KCNK9: variants seen among roughly 807,000 people sequenced by gnomAD.
KCNK9 encodes potassium two pore domain channel subfamily K member 9.
KCNK9 carries 1 observed loss-of-function variant against 10.8 expected under a neutral mutation model. The observed-to-expected ratio is 0.09, with a 90% confidence interval of 0.03 to 0.44. The LOEUF (loss-of-function observed/expected upper bound fraction) is 0.44, where lower values mean the gene tolerates loss of function less well. KCNK9 is among the 20% of genes least tolerant of loss of function. The pLI is 0.97. For missense variants in KCNK9, 303 were observed against 515.0 expected (o/e 0.59, Z 3.98); for synonymous variants, 231 against 222.7 (o/e 1.04, Z -0.33).
chr8:139,701,513 A>C (rs1179139364), intron 1 of KCNK9, among the ~76,000 whole-genome samples: 3 of 152,124 alleles, frequency 2.0e-5, no homozygotes, highest in Non-Finnish European at 4.4e-5. Flanking sequence ...GGTCCAGAGA[A>C]GCGAGACAGG....
chr8:139,646,947 T>G (rs904782417), intron 1 of KCNK9, among the ~76,000 whole-genome samples: 1 of 152,222 alleles, frequency 6.6e-6, no homozygotes, highest in African/African-American at 2.4e-5. Flanking sequence ...CTCCCTGTCC[T>G]AACACTGGCC....
chr8:139,661,676 C>A (rs908059192), intron 1 of KCNK9, among the ~76,000 whole-genome samples: 1 of 152,204 alleles, frequency 6.6e-6, no homozygotes, highest in Admixed American at 6.5e-5. Context: ...AAAGGAGGTC[C>A]CAGGAGAGGC....
At chr8:139,630,417 G>A (rs1052010698) in intron 1 of KCNK9, among the ~76,000 whole-genome samples, 4 of 152,006 alleles carry the variant, frequency 2.6e-5, no homozygotes, top group African/African-American at 9.7e-5. Context: ...CCACCTCCCC[G>A]GGGCCTCTCT....
rs560225440 is a variant in KCNK9 at position 139,694,842 on chromosome 8, C to T, written c.283+7868G>A. On this transcript the variant is annotated intron_variant, in intron 1 of 1. Coordinates refer to ENST00000520439, the MANE Select transcript of KCNK9 (RefSeq NM_001282534.2). ...CACCCCACTCACCTAGCACCACCTTCGAGCAGCCACTCCCTGGCCAGGCTC... is the reference window on the plus strand; with the variant it reads ...CACCCCACTCACCTAGCACCACCTTTGAGCAGCCACTCCCTGGCCAGGCTC... 3.3e-5 allele frequency among the ~76,000 whole-genome samples: 5 copies of T among 152,258 alleles called. No individual in the cohort carries two copies. The South Asian group carries it at 6.2e-4, about 19-fold the overall frequency.
chr8:139,700,259 G>C (rs111406465), intron 1 of KCNK9, among the ~76,000 whole-genome samples: 190 of 152,240 alleles, frequency 1.2e-3, no homozygotes, highest in Non-Finnish European at 1.0e-3. Flanking sequence ...TGCAGCCCGC[G>C]GGATCTCAGC....
chr8:139,676,980 C>A (rs759428465), intron 1 of KCNK9, among the ~76,000 whole-genome samples: 3 of 151,964 alleles, frequency 2.0e-5, no homozygotes, highest in Non-Finnish European at 4.4e-5. Flanking sequence ...AACAGACAGA[C>A]AAAACAAAAC....
chr8:139,622,428 G>C (rs1814818922), intron 1 of KCNK9, among the ~76,000 whole-genome samples: 1 of 152,172 alleles, frequency 6.6e-6, no homozygotes, highest in African/African-American at 2.4e-5. Context: ...TTGCCCTCTG[G>C]TTTCCAGTTG....
At chr8:139,699,670 T>C (rs1436068199) in intron 1 of KCNK9, among the ~76,000 whole-genome samples, 1 of 152,250 alleles carries the variant, frequency 6.6e-6, no homozygotes, top group East Asian at 1.9e-4. Flanking sequence ...TCCCTGGTTA[T>C]GACAATGGTC....
downstream of KCNK9, among the ~76,000 whole-genome samples, chr8:139,609,120 C>T (rs1259781340): frequency 6.7e-6 from 1 of 150,250 alleles, no homozygotes; most frequent in African/African-American, 2.5e-5. Flanking sequence ...CACCCCGCCC[C>T]GCTCCGGGAG....
intron 1 of KCNK9, among the ~76,000 whole-genome samples, chr8:139,654,956 C>T (rs1361473369): frequency 3.3e-5 from 5 of 151,984 alleles, no homozygotes; most frequent in Admixed American, 6.6e-5. Context: ...AGATGGGTGA[C>T]GGACGGACAA....
At chr8:139,637,213 C>T (rs1472905501) in intron 1 of KCNK9, among the ~76,000 whole-genome samples, 1 of 152,236 alleles carries the variant, frequency 6.6e-6, no homozygotes, top group East Asian at 1.9e-4. Flanking sequence ...AAGGTGAAGA[C>T]AGAATCATGA....
chr8:139,693,352 C>T lies in KCNK9; in HGVS notation c.283+9358G>A, dbSNP rs537801441. Among the ~76,000 whole-genome samples, 1 of 152,184 alleles carries T rather than the reference C, an allele frequency of 6.6e-6. No individual in the cohort carries two copies. Among genetic ancestry groups the T allele is most frequent in the Non-Finnish European group, 1.5e-5 (1 of 68,046 alleles). ...CCCACTCAGCAGGACAGATCCCTAA[C>T]CTGTTGTCTTCCATTAAAAGCAACA... On this transcript the variant is annotated intron_variant, in intron 1 of 1. Transcript: ENST00000520439. The surrounding 1 kb of genome is among the most constrained non-coding windows in gnomAD (Gnocchi z 4.1).
Position 139,618,175 on chromosome 8 carries a change from A to C in KCNK9, c.*83T>G. 1 of 1,525,674 alleles carries C rather than the reference A, an allele frequency of 6.6e-7. No individual in the cohort carries two copies. The highest frequency in any genetic ancestry group is 1.2e-5 in the South Asian group (1 of 86,346). The allele number at this position is 1,525,674 out of a possible 1,614,324, so 94.5% of individuals were successfully genotyped here. Reference sequence around the variant, plus strand: ...AATGATGACAATAATAATAATAAATAAATAAGAAAAGACGAGTTGGACCAA... The same window carrying C: ...AATGATGACAATAATAATAATAAATCAATAAGAAAAGACGAGTTGGACCAA... On this transcript the variant is annotated 3_prime_UTR_variant, in exon 2 of 2. Transcript: ENST00000520439. The surrounding 1 kb of genome is among the most constrained non-coding windows in gnomAD (Gnocchi z 7.9).
intron 2 of KCNK9, chr8:139,601,686 A>G (rs1817373492): frequency 6.6e-6 from 1 of 152,244 alleles, no homozygotes; most frequent in African/African-American, 2.4e-5. Flanking sequence ...ATTGCTTAAA[A>G]GTCCCTGAAT....
chr8:139,628,832 T>G (rs1815067428), intron 1 of KCNK9, among the ~76,000 whole-genome samples: 1 of 152,200 alleles, frequency 6.6e-6, no homozygotes, highest in African/African-American at 2.4e-5. Context: ...TTTCTCCTCT[T>G]CTGCTCCATG....
At chr8:139,676,092 G>A (rs1816544159) in intron 1 of KCNK9, among the ~76,000 whole-genome samples, 1 of 152,232 alleles carries the variant, frequency 6.6e-6, no homozygotes, top group South Asian at 2.1e-4. Flanking sequence ...AAGATGGAAG[G>A]AGCCTGGGGC....
At chr8:139,632,794 G>A (rs986421483) in intron 1 of KCNK9, among the ~76,000 whole-genome samples, 1 of 152,166 alleles carries the variant, frequency 6.6e-6, no homozygotes, top group Non-Finnish European at 1.5e-5. Context: ...AGAAACAGTG[G>A]CTGTGATGCA....
intron 1 of KCNK9, among the ~76,000 whole-genome samples, chr8:139,700,174 G>A (rs750908130): frequency 3.3e-5 from 5 of 152,200 alleles, no homozygotes; most frequent in African/African-American, 4.8e-5. Context: ...GGCAGAGAGC[G>A]GAGGCTCGAT....
At chr8:139,672,054 G>A (rs1410667411) in intron 1 of KCNK9, among the ~76,000 whole-genome samples, 1 of 152,204 alleles carries the variant, frequency 6.6e-6, no homozygotes, top group African/African-American at 2.4e-5. Context: ...GGGCGGGGGT[G>A]AGATCCTTCC....
Sources: allele counts gnomAD v4.1 joint callset (sites outside exome capture counted in the v4.1 genomes callset), GRCh38; gene constraint gnomAD v4.1.1; non-coding constraint Gnocchi (gnomAD v3.1); transcripts MANE v1.5; gene names NCBI Gene and HGNC (gene_info 2026-07-23, HGNC 2026-07-21).